The following SPAG16 variants were observed in gnomAD, a reference collection of about 807,000 sequenced individuals.
The protein encoded by SPAG16 is sperm associated antigen 16, also known as sperm-associated antigen 16 protein.
A neutral mutation model predicts 80.4 loss-of-function variants in SPAG16; 86 were observed. That is an observed-to-expected ratio of 1.07 (90% confidence interval 0.90 to 1.28). The LOEUF is 1.28. Among genes scored for constraint, SPAG16 ranks in the 50% most tolerant of loss-of-function variants. SPAG16 has a pLI of 0.00. For missense variants in SPAG16, 870 were observed against 765.3 expected (o/e 1.14, Z -1.61); for synonymous variants, 294 against 265.9 (o/e 1.11, Z -1.03).
At chr2:214,273,338 T>C (rs1477686252) in intron 15 of SPAG16, among the ~76,000 whole-genome samples, 2 of 152,226 alleles carry the variant, frequency 1.3e-5, no homozygotes, top group Non-Finnish European at 2.9e-5. Context: ...GCCATTGCTT[T>C]TGGTATTTTA....
intron 11 of SPAG16, among the ~76,000 whole-genome samples, chr2:213,877,189 G>C (rs1413076450): frequency 6.6e-6 from 1 of 152,062 alleles, no homozygotes; most frequent in Non-Finnish European, 1.5e-5. Context: ...TCAGGGCTGA[G>C]CTTTCAAATC....
intron 13 of SPAG16, among the ~76,000 whole-genome samples, chr2:214,072,016 C>T (rs988945295): frequency 7.9e-5 from 12 of 152,078 alleles, no homozygotes; most frequent in African/African-American, 2.4e-4. Context: ...TTTTAAGAAA[C>T]AATATCTTAA....
At chr2:213,469,959 T>C (rs960122707) in intron 9 of SPAG16, among the ~76,000 whole-genome samples, 1 of 152,088 alleles carries the variant, frequency 6.6e-6, no homozygotes, top group East Asian at 1.9e-4. Context: ...AACTAAGACT[T>C]CTAGACTAGT....
rs572570655 is a variant in SPAG16 at position 214,347,511 on chromosome 2, T to C, written c.1721-62629T>C. 7.9e-5 allele frequency among the ~76,000 whole-genome samples: 12 copies of C among 152,322 alleles called. 1 individual carries two copies. Among genetic ancestry groups the C allele is most frequent in the Admixed American group, 2.0e-4 (3 of 15,298 alleles). ...GAATCCAGGTAGGGCTGAAAGTTTCTTTATTAAGATGTTAGAAGGACTTAA... is the reference window on the plus strand; with the variant it reads ...GAATCCAGGTAGGGCTGAAAGTTTCCTTATTAAGATGTTAGAAGGACTTAA... On this transcript the variant is annotated intron_variant, in intron 15 of 15. Transcript: ENST00000331683.
At chr2:213,599,995 T>A (rs935207860) in intron 10 of SPAG16, among the ~76,000 whole-genome samples, 1 of 152,140 alleles carries the variant, frequency 6.6e-6, no homozygotes, top group Non-Finnish European at 1.5e-5. Context: ...CTATTAGTAG[T>A]TGTGTTTTAT....
chr2:213,945,999 TTA>T (rs879511520), intron 12 of SPAG16, among the ~76,000 whole-genome samples: 18 of 152,316 alleles, frequency 1.2e-4, no homozygotes, highest in Admixed American at 1.0e-3. Flanking sequence ...TTACCATATT[TTA>T]TATGACAGAA....
intron 15 of SPAG16, chr2:214,281,425 T>C: frequency 5.2e-6 from 1 of 193,656 alleles, no homozygotes; most frequent in Non-Finnish European, 1.1e-5. Context: ...AAGTAGGCCT[T>C]AGTCTTAACA....
chr2:213,494,032 C>T (rs1575742859), intron 10 of SPAG16, among the ~76,000 whole-genome samples: 1 of 152,310 alleles, frequency 6.6e-6, no homozygotes, highest in Middle Eastern at 3.4e-3. Context: ...TTCTCATTTT[C>T]TTCACCTCTG....
intron 15 of SPAG16, among the ~76,000 whole-genome samples, chr2:214,227,562 T>C (rs1055456124): frequency 6.6e-6 from 1 of 151,928 alleles, no homozygotes; most frequent in Non-Finnish European, 1.5e-5. Flanking sequence ...CCTTGATTAA[T>C]CATTGCTGTA....
At chr2:213,541,489 A>T (rs1013033511) in intron 10 of SPAG16, among the ~76,000 whole-genome samples, 3 of 152,026 alleles carry the variant, frequency 2.0e-5, no homozygotes, top group Non-Finnish European at 4.4e-5. Flanking sequence ...GCGTGGTGGC[A>T]CACACCTGTA....
chr2:213,989,520 C>T, intron 12 of SPAG16, among the ~76,000 whole-genome samples: 1 of 152,032 alleles, frequency 6.6e-6, no homozygotes, highest in African/African-American at 2.4e-5. Flanking sequence ...TGAGCATGCC[C>T]TTACTAAAAA....
chr2:213,600,562 T>TTCCAAAGC (rs1574449378), intron 10 of SPAG16, among the ~76,000 whole-genome samples: 1 of 152,330 alleles, frequency 6.6e-6, no homozygotes, highest in East Asian at 1.9e-4. Context: ...TAAGGTGTTC[T>TTCCAAAGC]TCCAAAGCTT....
At chr2:213,534,070 A>G (rs1349488180) in intron 10 of SPAG16, among the ~76,000 whole-genome samples, 3 of 152,220 alleles carry the variant, frequency 2.0e-5, no homozygotes, top group African/African-American at 7.2e-5. Flanking sequence ...ATGCACATCT[A>G]CAGTAGTTTT....
intron 15 of SPAG16, among the ~76,000 whole-genome samples, chr2:214,220,810 G>C (rs1485298475): frequency 1.3e-5 from 2 of 152,020 alleles, no homozygotes; most frequent in Admixed American, 1.3e-4. Flanking sequence ...TAAAATAAAA[G>C]CTGTCATATG....
chr2:214,331,194 G>A (rs949873653), intron 15 of SPAG16, among the ~76,000 whole-genome samples: 8 of 152,114 alleles, frequency 5.3e-5, no homozygotes, highest in Admixed American at 3.9e-4. Context: ...TCAAAATTGG[G>A]CAGAGGGAGA....
At position 214,170,225 on chromosome 2, in the gene SPAG16, C is replaced by CATATACACACACACTTAGGTGT. The variant is rs1559101361; in HGVS notation, c.1720+20959_1720+20960insATATACACACACACTTAGGTGT. ...ATACACACACACTTAGGTGTGTATA[C>CATATACACACACACTTAGGTGT]GTATACACACACACTTAGGTGTGTA... On this transcript the variant is annotated intron_variant, in intron 15 of 15. Coordinates refer to ENST00000331683, the MANE Select transcript of SPAG16 (RefSeq NM_024532.5). Among the ~76,000 whole-genome samples, 42 of 83,136 alleles carry CATATACACACACACTTAGGTGT rather than the reference C, an allele frequency of 5.1e-4. 1 individual carries two copies. Among genetic ancestry groups the CATATACACACACACTTAGGTGT allele is most frequent in the Non-Finnish European group, 1.1e-3 (30 of 26,736 alleles). 54.5% of individuals were successfully genotyped at this position (83,136 alleles called of 152,430 possible). A position where few individuals can be genotyped will look rare whatever the true frequency, so the allele number is the denominator to read the frequency against.
At chr2:213,531,638 C>A (rs2076071630) in intron 10 of SPAG16, among the ~76,000 whole-genome samples, 1 of 152,028 alleles carries the variant, frequency 6.6e-6, no homozygotes, top group Non-Finnish European at 1.5e-5. Flanking sequence ...ATATATGGAT[C>A]TTTTTCTTAT....
At chr2:213,994,523 C>T (rs2046425572) in intron 12 of SPAG16, among the ~76,000 whole-genome samples, 1 of 150,598 alleles carries the variant, frequency 6.6e-6, no homozygotes, top group African/African-American at 2.4e-5. Flanking sequence ...ATGTGTCTTA[C>T]AGTTCAGTTA....
chr2:213,703,087 T>G (rs115238952), intron 10 of SPAG16, among the ~76,000 whole-genome samples: 2 of 152,192 alleles, frequency 1.3e-5, no homozygotes, highest in African/African-American at 4.8e-5. Context: ...CAGTACACAC[T>G]TTGCCATTCT....
Sources: gnomAD v4.1 joint callset for allele counts (sites outside exome capture counted in the v4.1 genomes callset) on GRCh38, gnomAD v4.1.1 for gene constraint, MANE v1.5 for transcripts, NCBI Gene and HGNC (gene_info 2026-07-23, HGNC 2026-07-21) for gene names.